UBE2O: variants seen among roughly 807,000 people sequenced by gnomAD.
UBE2O encodes (E3-independent) E2 ubiquitin-conjugating enzyme.
A neutral mutation model predicts 125.8 loss-of-function variants in UBE2O; 15 were observed. The ratio of observed to expected loss-of-function variants is 0.12; its 90% CI spans 0.08 to 0.18. The LOEUF (loss-of-function observed/expected upper bound fraction) is 0.18, where lower values mean the gene tolerates loss of function less well. UBE2O is among the 10% of genes least tolerant of loss of function. The pLI, the probability that UBE2O is intolerant of heterozygous loss-of-function variation, is 1.00. For missense variants in UBE2O, 1,280 were observed against 1,723.6 expected (o/e 0.74, Z 4.56); for synonymous variants, 708 against 703.2 (o/e 1.01, Z -0.11).
At chr17:76,418,848 C>T (rs989255175) in intron 1 of UBE2O, among the ~76,000 whole-genome samples, 2 of 152,126 alleles carry the variant, frequency 1.3e-5, no homozygotes, top group Non-Finnish European at 1.5e-5. Flanking sequence ...GGATTACAGG[C>T]GTGAGCCACC....
At chr17:76,411,499 C>T (rs1428419058) in intron 1 of UBE2O, among the ~76,000 whole-genome samples, 1 of 152,174 alleles carries the variant, frequency 6.6e-6, no homozygotes, top group Non-Finnish European at 1.5e-5. Flanking sequence ...AGTCCAAAAG[C>T]AGGGGCCTGC....
chr17:76,402,640 C>T lies in UBE2O; in HGVS notation c.648G>A (p.Leu216=), dbSNP rs145272323. ...ATAGCTTCAGGATGATCTGGTTCTT[C>T]AAGTCGTAGACCTTCCCCAGCCAGC... ...YDCWLGKVYD[L]KNQIILKLSN... The change falls in exon 4 of 18, where the codon TTG becomes TTA. Residue 216 remains leucine (L), a synonymous_variant. Coordinates refer to ENST00000319380, the MANE Select transcript of UBE2O (RefSeq NM_022066.4). The surrounding 1 kb of genome is among the most constrained non-coding windows in gnomAD (Gnocchi z 5.4). The T allele has an allele frequency of 3.7e-5, 59 of 1,614,168 alleles. No individual in the cohort carries two copies. The African/African-American group carries it at 7.5e-4, about 20-fold the overall frequency.
At chr17:76,409,093 T>C (rs1029343167) in intron 1 of UBE2O, among the ~76,000 whole-genome samples, 1 of 151,960 alleles carries the variant, frequency 6.6e-6, no homozygotes, top group East Asian at 1.9e-4. Context: ...CTCAGCCTCC[T>C]GAGTAGCTGG....
intron 1 of UBE2O, among the ~76,000 whole-genome samples, chr17:76,438,919 C>A (rs1248099339): frequency 2.0e-5 from 3 of 152,138 alleles, no homozygotes; most frequent in Non-Finnish European, 4.4e-5. Context: ...AACTCATCTG[C>A]CCCATAAAAT....
intron 1 of UBE2O, among the ~76,000 whole-genome samples, chr17:76,444,401 A>G (rs2073123046): frequency 6.6e-6 from 1 of 152,104 alleles, no homozygotes; most frequent in Admixed American, 6.5e-5. Context: ...AAATATTTTA[A>G]AAAGCCGAGT....
intron 15 of UBE2O, among the ~76,000 whole-genome samples, chr17:76,392,633 G>GA (rs756062083): frequency 8.5e-4 from 129 of 151,074 alleles, no homozygotes; most frequent in Non-Finnish European, 1.6e-3. Context: ...CTTATCAGGT[G>GA]TTTTTCCTCA....
At chr17:76,403,001 TCCA>T (rs2072355219) in intron 3 of UBE2O, among the ~76,000 whole-genome samples, 4 of 152,000 alleles carry the variant, frequency 2.6e-5, no homozygotes, top group Non-Finnish European at 5.9e-5. Context: ...ACATGGGACA[TCCA>T]TGGACACAGG....
In UBE2O at chr17:76,402,536, CCTCCTCCCCTCTTTCCAAGAGG is replaced by C; in HGVS notation, c.686+44_686+65del. ...CACTGTCCCCAGGAGGAAACACCCT[CCTCCTCCCCTCTTTCCAAGAGG>C]CTATCCTTCCCAAGCCGATGGCTCT... is the stretch of plus-strand genomic sequence containing the variant. On this transcript the variant is annotated intron_variant, in intron 4 of 17. Coordinates refer to ENST00000319380, the MANE Select transcript of UBE2O (RefSeq NM_022066.4). The surrounding 1 kb of genome is among the most constrained non-coding windows in gnomAD (Gnocchi z 5.4). 3.6e-6 allele frequency: 5 copies of C among 1,396,980 alleles called. 1 individual carries two copies. Among genetic ancestry groups the C allele is most frequent in the Admixed American group, 1.7e-5 (1 of 59,492 alleles). The allele number at this position is 1,396,980 out of a possible 1,614,324, so 86.5% of individuals were successfully genotyped here. A position where few individuals can be genotyped will look rare whatever the true frequency, so the allele number is the denominator to read the frequency against.
intron 1 of UBE2O, among the ~76,000 whole-genome samples, chr17:76,436,421 A>C (rs1185406338): frequency 2.0e-5 from 3 of 152,094 alleles, no homozygotes; most frequent in Non-Finnish European, 4.4e-5. Context: ...TAATAGACCA[A>C]TCAGGAATAA....
At chr17:76,442,348 C>T (rs2073087452) in intron 1 of UBE2O, among the ~76,000 whole-genome samples, 2 of 152,198 alleles carry the variant, frequency 1.3e-5, no homozygotes, top group Non-Finnish European at 2.9e-5. Context: ...AATTACTGTA[C>T]ATGGTCAACA....
Position 76,402,849 on chromosome 17 carries a change from G to A in UBE2O, c.589-150C>T. The stretch of plus-strand genomic sequence containing the variant: ...GGTTGGCTACTAGCCCTAAACAGCT[G>A]CTGCAGCAGGCCCTCCCTACAAGTT... On this transcript the variant is annotated intron_variant, in intron 3 of 17. Transcript: ENST00000319380. The surrounding 1 kb of genome is among the most constrained non-coding windows in gnomAD (Gnocchi z 5.4). 1 of 645,946 alleles carries A rather than the reference G, an allele frequency of 1.5e-6. No individual in the cohort carries two copies. Among genetic ancestry groups the A allele is most frequent in the East Asian group, 2.7e-5 (1 of 36,804 alleles). 40.0% of individuals were successfully genotyped at this position (645,946 alleles called of 1,614,324 possible). A position where few individuals can be genotyped will look rare whatever the true frequency, so the allele number is the denominator to read the frequency against.
At position 76,399,161 on chromosome 17, in the gene UBE2O, G is replaced by T; in HGVS notation, c.1629-170C>A. The T allele has an allele frequency of 1.1e-6, 1 of 876,530 alleles. No individual in the cohort carries two copies. The highest frequency in any genetic ancestry group is 2.9e-5 in the Admixed American group (1 of 34,962). 54.3% of individuals were successfully genotyped at this position (876,530 alleles called of 1,614,324 possible). ...ACAGGAAGCTCACCCAGGGTTCCAA[G>T]GCCACGCATTCTCTGAGAACAGGAT... On this transcript the variant is annotated intron_variant, in intron 9 of 17. Coordinates refer to ENST00000319380, the MANE Select transcript of UBE2O (RefSeq NM_022066.4). The surrounding 1 kb of genome is among the most constrained non-coding windows in gnomAD (Gnocchi z 6.9).
chr17:76,390,966 G>A lies in UBE2O; in HGVS notation c.3856C>T (p.Pro1286Ser). The change falls in exon 18 of 18, where the codon CCG becomes TCG. Residue 1286 changes from proline (P) to serine (S), a missense_variant. Pro to Ser is a moderately conservative substitution (Grantham distance 74). Around this residue, in one of 10 missense-constraint regions of UBE2O, gnomAD observed 233 missense variants for 279.0 expected, o/e 0.84. Transcript: ENST00000319380. ...AGCTACTTGTCCTCTGTGCACTCCGGCATGCCTGCCTCTAGCAGGGCAGCC... is the reference window on the plus strand; with the variant it reads ...AGCTACTTGTCCTCTGTGCACTCCGACATGCCTGCCTCTAGCAGGGCAGCC... ...FRAALLEAGMPECTEDK is the reference protein window; with the variant it reads ...FRAALLEAGMSECTEDK 1 of 1,610,814 alleles carries A rather than the reference G, an allele frequency of 6.2e-7. No individual in the cohort carries two copies. Among genetic ancestry groups the A allele is most frequent in the African/African-American group, 1.3e-5 (1 of 74,996 alleles).
chr17:76,443,962 T>C (rs2073115350), intron 1 of UBE2O, among the ~76,000 whole-genome samples: 1 of 152,210 alleles, frequency 6.6e-6, no homozygotes, highest in Non-Finnish European at 1.5e-5. Context: ...AGCTCATGCC[T>C]GTAATCCCAG....
Position 76,390,861 on chromosome 17 carries a change from G to T in UBE2O, c.*82C>A. 7.1e-7 allele frequency: 1 copy of T among 1,416,576 alleles called. No homozygotes were observed. Among genetic ancestry groups the T allele is most frequent in the East Asian group, 2.3e-5 (1 of 43,676 alleles). 87.8% of individuals were successfully genotyped at this position (1,416,576 alleles called of 1,614,324 possible). A position where few individuals can be genotyped will look rare whatever the true frequency, so the allele number is the denominator to read the frequency against. ...TTGCAGTGGGGACAGAGGGGCATGGGAAGAGGGGTGATTCCGGGGGGGAGT... is the reference window on the plus strand; with the variant it reads ...TTGCAGTGGGGACAGAGGGGCATGGTAAGAGGGGTGATTCCGGGGGGGAGT... On this transcript the variant is annotated 3_prime_UTR_variant, in exon 18 of 18. Coordinates refer to ENST00000319380, the MANE Select transcript of UBE2O (RefSeq NM_022066.4).
At position 76,396,906 on chromosome 17, in the gene UBE2O, C is replaced by T. The variant is rs971268042; in HGVS notation, c.2116-85G>A. On this transcript the variant is annotated intron_variant, in intron 13 of 17. Coordinates refer to ENST00000319380, the MANE Select transcript of UBE2O (RefSeq NM_022066.4). This position sits in a 1 kb window ranked among gnomAD's most constrained non-coding sequence, Gnocchi z 6.7. Reference sequence around the variant, plus strand: ...GGAGGAGCTCTGGGGATCCCTGATCCGCACAGCTGATGGCGACTGGGCTCA... The same window carrying T: ...GGAGGAGCTCTGGGGATCCCTGATCTGCACAGCTGATGGCGACTGGGCTCA... 17 of 1,244,776 alleles carry T rather than the reference C, an allele frequency of 1.4e-5. No homozygotes were observed. Among genetic ancestry groups the T allele is most frequent in the African/African-American group, 4.5e-5 (3 of 66,094 alleles). 77.1% of individuals were successfully genotyped at this position (1,244,776 alleles called of 1,614,324 possible). A position where few individuals can be genotyped will look rare whatever the true frequency, so the allele number is the denominator to read the frequency against.
intron 1 of UBE2O, among the ~76,000 whole-genome samples, chr17:76,435,303 T>A (rs1442695862): frequency 2.0e-5 from 3 of 151,584 alleles, no homozygotes; most frequent in East Asian, 1.9e-4. Flanking sequence ...CCCTGGAGAG[T>A]GAAAATGGTA....
intron 1 of UBE2O, among the ~76,000 whole-genome samples, chr17:76,417,542 T>C (rs910297867): frequency 6.6e-6 from 1 of 152,208 alleles, no homozygotes; most frequent in Non-Finnish European, 1.5e-5. Flanking sequence ...CAAAATTCTC[T>C]ACCCCCTCCT....
At chr17:76,447,982 G>C (rs151153378) in intron 1 of UBE2O, among the ~76,000 whole-genome samples, 1 of 152,338 alleles carries the variant, frequency 6.6e-6, no homozygotes, top group South Asian at 2.1e-4. Flanking sequence ...ATCGGGGTTA[G>C]GAAGATAGAC....
Sources: allele counts gnomAD v4.1 joint callset (sites outside exome capture counted in the v4.1 genomes callset), GRCh38; gene constraint gnomAD v4.1.1; regional missense constraint gnomAD v4.1.1; non-coding constraint Gnocchi (gnomAD v3.1); transcripts MANE v1.5; gene names NCBI Gene and HGNC (gene_info 2026-07-23, HGNC 2026-07-21).